GPHN: variants seen among roughly 807,000 people sequenced by gnomAD.
GPHN encodes gephyrin.
Under a neutral mutation model 95.5 loss-of-function variants are expected in GPHN, and 17 were observed. The observed-to-expected ratio is 0.18, with a 90% confidence interval of 0.12 to 0.27. GPHN has a LOEUF of 0.27. Ranked by LOEUF, GPHN falls within the 10% of genes least tolerant of loss-of-function variation. The probability of loss-of-function intolerance (pLI) is 1.00; values close to 1 mark genes in which losing one functional copy is unlikely to be tolerated. For missense variants in GPHN, 660 were observed against 978.1 expected, an observed-to-expected ratio of 0.67 and a Z score of 4.34; for synonymous variants, 320 against 322.5, an observed-to-expected ratio of 0.99 and a Z score of 0.08.
chr14:66,746,198 T>G (rs1294723365), intron 2 of GPHN, among the ~76,000 whole-genome samples: 6 of 152,196 alleles, frequency 3.9e-5, no homozygotes, highest in African/African-American at 1.4e-4. Context: ...AATACCCAGA[T>G]GTACAATTGC....
the GPHN span, among the ~76,000 whole-genome samples, chr14:67,476,265 C>A: frequency 6.6e-6 from 1 of 152,202 alleles, no homozygotes; most frequent in Non-Finnish European, 1.5e-5. Flanking sequence ...CCAAGCACTT[C>A]GTTCGCATTT....
At chr14:67,600,217 G>T in the GPHN span, 1 of 1,558,150 alleles carries the variant, frequency 6.4e-7, no homozygotes. Context: ...GCCCCCACTC[G>T]GCCGCCCGCA....
At chr14:67,205,024 A>G in the GPHN span, 11 of 1,553,566 alleles carry the variant, frequency 7.1e-6, no homozygotes, top group Admixed American at 2.0e-5. Context: ...TGATATTACA[A>G]ACTGCTCGGG....
chr14:67,518,283 G>T, the GPHN span, among the ~76,000 whole-genome samples: 60,426 of 152,110 alleles, frequency 0.4, 13,054 homozygotes, highest in East Asian at 0.49. Context: ...TTTGAGTTCA[G>T]ACTCTCCATC....
chr14:67,608,004 A>C, the GPHN span, among the ~76,000 whole-genome samples: 1 of 152,112 alleles, frequency 6.6e-6, no homozygotes, highest in African/African-American at 2.4e-5. Context: ...TGGGAGGCTG[A>C]GACAGGAGGA....
intron 2 of GPHN, among the ~76,000 whole-genome samples, chr14:66,761,845 A>G (rs1320139048): frequency 3.9e-5 from 6 of 152,202 alleles, no homozygotes; most frequent in African/African-American, 1.2e-4. Flanking sequence ...TATTTTTAGT[A>G]GAGACTGGGT....
chr14:67,396,168 G>A, the GPHN span, among the ~76,000 whole-genome samples: 1 of 151,122 alleles, frequency 6.6e-6, no homozygotes. Flanking sequence ...TTTTTCTTGA[G>A]ACGGAGTCTT....
At chr14:67,428,701 A>AGGCC in the GPHN span, among the ~76,000 whole-genome samples, 31 of 152,218 alleles carry the variant, frequency 2.0e-4, no homozygotes, top group Admixed American at 1.9e-3. Context: ...CCAGAACTCA[A>AGGCC]GGCCAGACCC....
chr14:66,642,242 C>A (rs2064454634), intron 1 of GPHN, among the ~76,000 whole-genome samples: 1 of 152,076 alleles, frequency 6.6e-6, no homozygotes, highest in South Asian at 2.1e-4. Context: ...TCTGAGTGGG[C>A]CCAGTCTAAT....
intron 9 of GPHN, among the ~76,000 whole-genome samples, chr14:67,022,608 T>TGTGTGTGTA (rs1319488184): frequency 7.1e-6 from 1 of 140,942 alleles, no homozygotes; most frequent in African/African-American, 2.6e-5. Flanking sequence ...TGTGTGTGTA[T>TGTGTGTGTA]TTTTCTTGTA....
chr14:67,235,598 C>T, the GPHN span, among the ~76,000 whole-genome samples: 7,231 of 152,094 alleles, frequency 0.048, 192 homozygotes, highest in Non-Finnish European at 0.054. Flanking sequence ...ACCTGTAGTC[C>T]CAGCTACTCA....
chr14:66,842,097 A>C (rs1366992458), intron 4 of GPHN, among the ~76,000 whole-genome samples: 1 of 146,066 alleles, frequency 6.8e-6, no homozygotes, highest in East Asian at 2.1e-4. Context: ...AAAAAAGTAG[A>C]TATTAGGTAT....
At chr14:67,088,234 G>A (rs376403023) in intron 11 of GPHN, among the ~76,000 whole-genome samples, 1 of 151,802 alleles carries the variant, frequency 6.6e-6, no homozygotes, top group East Asian at 1.9e-4. Context: ...TAGAAAACGT[G>A]GAAATTTTGG....
At chr14:67,569,793 G>GC in the GPHN span, 3 of 679,032 alleles carry the variant, frequency 4.4e-6, no homozygotes, top group South Asian at 3.4e-5. Context: ...CAGGGCCCTG[G>GC]CCCCCCTCTT....
chr14:67,292,720 G>A, the GPHN span: 1 of 1,612,062 alleles, frequency 6.2e-7, no homozygotes, highest in African/African-American at 1.3e-5. Flanking sequence ...TGCTCAAGAG[G>A]TATGTATTCT....
chr14:67,340,269 A>T, the GPHN span: 1 of 582,744 alleles, frequency 1.7e-6, no homozygotes, highest in Non-Finnish European at 3.0e-6. Context: ...GTAAAATTTG[A>T]CAGATTTGTT....
At chr14:66,595,202 G>C (rs1595153467) in intron 1 of GPHN, among the ~76,000 whole-genome samples, 2 of 152,276 alleles carry the variant, frequency 1.3e-5, no homozygotes, top group Non-Finnish European at 2.9e-5. Context: ...TGGTTGGGTT[G>C]TAAATTAGTA....
At chr14:67,648,381 C>A in the GPHN span, 1 of 464,762 alleles carries the variant, frequency 2.2e-6, no homozygotes, top group Non-Finnish European at 3.7e-6. Context: ...ATGGCTCTTA[C>A]CAAATTACAC....
the GPHN span, chr14:67,225,081 C>T: frequency 6.5e-7 from 1 of 1,528,834 alleles, no homozygotes; most frequent in Non-Finnish European, 8.8e-7. Context: ...TTGATCTCTC[C>T]TTTACTTTCC....
Sources: gnomAD v4.1 joint callset for allele counts (sites outside exome capture counted in the v4.1 genomes callset) on GRCh38, gnomAD v4.1.1 for gene constraint, MANE v1.5 for transcripts, NCBI Gene and HGNC (gene_info 2026-07-23, HGNC 2026-07-21) for gene names.